CYTH1: variants seen among roughly 807,000 people sequenced by gnomAD.
CYTH1 encodes cytohesin-1.
Under a neutral mutation model 61.8 loss-of-function variants are expected in CYTH1, and 18 were observed. That is an observed-to-expected ratio of 0.29 (90% confidence interval 0.20 to 0.43). The LOEUF is 0.43. Ranked by LOEUF, CYTH1 falls within the 20% of genes least tolerant of loss-of-function variation. CYTH1 has a pLI of 1.00. For missense variants in CYTH1, 336 were observed against 510.5 expected, an observed-to-expected ratio of 0.66 and a Z score of 3.29; for synonymous variants, 174 against 184.3, an observed-to-expected ratio of 0.94 and a Z score of 0.45.
Position 78,698,950 on chromosome 17 carries a change from G to T in CYTH1, c.569C>A (p.Ser190Tyr). Residue 190 changes from serine to tyrosine, a missense_variant, in exon 8 of 14, where the codon TCC becomes TAC. Ser to Tyr is a moderately radical substitution (Grantham distance 144). Around this residue, in one of 4 missense-constraint regions of CYTH1, gnomAD observed 125 missense variants for 209.9 expected, o/e 0.60. Transcript: ENST00000446868. ...FQSTDTCYVL[S>Y]FAIIMLNTSL... ...GGTGTTCAACATGATGATGGCAAAG[G>T]AGAGGACGTAACAAGTATCTAAAGA... 1 of 1,611,012 alleles carries T rather than the reference G, an allele frequency of 6.2e-7. No homozygotes were observed. Among genetic ancestry groups the T allele is most frequent in the Non-Finnish European group, 8.5e-7 (1 of 1,178,974 alleles).
intron 1 of CYTH1, chr17:78,723,547 A>C (rs1029810568): frequency 6.6e-6 from 1 of 152,378 alleles, no homozygotes; most frequent in African/African-American, 2.4e-5. Flanking sequence ...CTGCAGCCCT[A>C]GCAGACGCTC....
chr17:78,698,150 CACACAT>C (rs1443783781), intron 9 of CYTH1, 113 bp downstream of exon 9: 1 of 836,080 alleles, frequency 1.2e-6, no homozygotes, highest in Non-Finnish European at 2.0e-6. Flanking sequence ...CACGCACGCG[CACACAT>C]GCACACGCAC....
intron 1 of CYTH1, among the ~76,000 whole-genome samples, chr17:78,747,473 G>A (rs2093364121): frequency 1.3e-5 from 2 of 152,156 alleles, no homozygotes; most frequent in African/African-American, 4.8e-5. Flanking sequence ...ATACTATTCA[G>A]TGATTTTAGC....
intron 1 of CYTH1, among the ~76,000 whole-genome samples, chr17:78,735,008 G>T (rs1011943551): frequency 6.6e-5 from 10 of 152,082 alleles, no homozygotes; most frequent in Non-Finnish European, 1.3e-4. Context: ...GTCTCTCACG[G>T]CAATGTCTAA....
rs142540287 is a variant in CYTH1 at position 78,772,496 on chromosome 17, G to A, written c.22+9706C>T. ...GGAACATTTAGAAAGGAGCAGGTAT[G>A]AGCCATAAGATTCCAGAAACTGAAG... On this transcript the variant is annotated intron_variant, in intron 1 of 13. Transcript: ENST00000446868. 7.8e-4 allele frequency among the ~76,000 whole-genome samples: 119 copies of A among 152,270 alleles called. 1 individual carries two copies. In the East Asian group the frequency reaches 0.021, roughly 27 times the overall value.
chr17:78,727,812 C>A, intron 1 of CYTH1: 1 of 442,816 alleles, frequency 2.3e-6, no homozygotes, highest in Non-Finnish European at 4.8e-6. Flanking sequence ...TATCTCCTGC[C>A]CATGCAGGGG....
chr17:78,676,805 C>T (rs773806370), intron 13 of CYTH1: 19 of 360,046 alleles, frequency 5.3e-5, no homozygotes, highest in Admixed American at 1.1e-4. Flanking sequence ...CAGCGCAGGC[C>T]GCGCCGCGGG....
chr17:78,681,147 A>T, intron 11 of CYTH1, 105 bp from the exon 12 acceptor site: 1 of 1,129,288 alleles, frequency 8.9e-7, no homozygotes, highest in Admixed American at 2.1e-5. Context: ...TTCTCCCAGG[A>T]CATGAAGTTC....
At chr17:78,709,386 G>A in intron 2 of CYTH1, 1 of 451,724 alleles carries the variant, frequency 2.2e-6, no homozygotes, top group Non-Finnish European at 3.9e-6. Context: ...CTACTCAGGA[G>A]ACAGGAGTCT....
intron 11 of CYTH1, among the ~76,000 whole-genome samples, chr17:78,683,220 C>G (rs2092781633): frequency 6.6e-6 from 1 of 152,128 alleles, no homozygotes; most frequent in South Asian, 2.1e-4. Context: ...ACGGCTGAGT[C>G]TCTTCACAGC....
At chr17:78,768,087 T>A (rs1183030942) in intron 1 of CYTH1, among the ~76,000 whole-genome samples, 1 of 152,190 alleles carries the variant, frequency 6.6e-6, no homozygotes. Flanking sequence ...TGGCTCGGAA[T>A]CATTGTCCAA....
intron 1 of CYTH1, among the ~76,000 whole-genome samples, chr17:78,777,894 C>T (rs145070294): frequency 1.3e-5 from 2 of 151,034 alleles, no homozygotes; most frequent in East Asian, 1.9e-4. Flanking sequence ...ATTCACAAAA[C>T]GTTACCAACT....
At chr17:78,729,102 T>A (rs558559246) in intron 1 of CYTH1, among the ~76,000 whole-genome samples, 24 of 152,294 alleles carry the variant, frequency 1.6e-4, no homozygotes, top group South Asian at 6.2e-4. Context: ...TATCTTTTTT[T>A]AAATTAATTA....
intron 1 of CYTH1, among the ~76,000 whole-genome samples, chr17:78,766,524 G>A (rs905263667): frequency 2.6e-5 from 4 of 152,212 alleles, no homozygotes; most frequent in South Asian, 2.1e-4. Context: ...AATGCTACCC[G>A]GGGGATTAAG....
chr17:78,677,190 G>A (rs922433211), intron 13 of CYTH1: 14 of 406,244 alleles, frequency 3.4e-5, no homozygotes, highest in African/African-American at 2.9e-4. Flanking sequence ...GCTTTCACGA[G>A]GGAATCTGGC....
At chr17:78,752,588 A>G (rs2093384702) in intron 1 of CYTH1, among the ~76,000 whole-genome samples, 1 of 152,116 alleles carries the variant, frequency 6.6e-6, no homozygotes, top group Admixed American at 6.5e-5. Context: ...GCGCGCCACC[A>G]CGCACAGCTA....
intron 1 of CYTH1, among the ~76,000 whole-genome samples, chr17:78,748,633 T>A (rs1316432103): frequency 1.3e-5 from 2 of 152,206 alleles, no homozygotes; most frequent in African/African-American, 4.8e-5. Context: ...TAAACCAAAT[T>A]CAGTTAGGAA....
chr17:78,712,548 C>A (rs2093145012), intron 1 of CYTH1, among the ~76,000 whole-genome samples: 1 of 152,056 alleles, frequency 6.6e-6, no homozygotes, highest in South Asian at 2.1e-4. Context: ...CCCAGCTACT[C>A]AGGAGGCTGA....
Position 78,700,280 on chromosome 17 carries a change from TA to T in CYTH1, c.550+50del, listed in dbSNP as rs779324332. 1.3e-5 allele frequency: 19 copies of T among 1,463,942 alleles called. No homozygotes were observed. The highest frequency in any genetic ancestry group is 1.7e-5 in the Non-Finnish European group (18 of 1,083,656). 90.7% of individuals were successfully genotyped at this position (1,463,942 alleles called of 1,614,324 possible). Reference sequence around the variant, plus strand: ...TAGAAATTATCTGGTGCCAAGAAAATAATCCAGTGTAAAACGCCCATCATAA... The same window carrying T: ...TAGAAATTATCTGGTGCCAAGAAAATATCCAGTGTAAAACGCCCATCATAA... On this transcript the variant is annotated intron_variant, in intron 7 of 13. Coordinates refer to ENST00000446868, the MANE Select transcript of CYTH1 (RefSeq NM_004762.6). This position sits in a 1 kb window ranked among gnomAD's most constrained non-coding sequence, Gnocchi z 5.1.
Sources: gnomAD v4.1 joint callset for allele counts (sites outside exome capture counted in the v4.1 genomes callset) on GRCh38, gnomAD v4.1.1 for gene constraint, gnomAD v4.1.1 regional missense constraint, Gnocchi (gnomAD v3.1) non-coding constraint, MANE v1.5 for transcripts, NCBI Gene and HGNC (gene_info 2026-07-23, HGNC 2026-07-21) for gene names.